Variants in POLDIP3 observed in about 807,000 individuals in gnomAD.
POLDIP3 encodes the protein DNA polymerase delta interacting protein 3, also known as polymerase delta-interacting protein 3.
In POLDIP3, 14 loss-of-function variants were observed where a neutral mutation model predicts 45.1. The observed-to-expected ratio is 0.31, with a 90% CI of 0.20 to 0.49. The LOEUF is 0.49. Ranked by LOEUF, POLDIP3 falls within the 20% of genes least tolerant of loss-of-function variation. The pLI is 0.99. For missense variants in POLDIP3, 511 were observed against 538.8 expected (o/e 0.95, Z 0.51); for synonymous variants, 223 against 205.2 (o/e 1.09, Z -0.74).
intron 6 of POLDIP3, among the ~76,000 whole-genome samples, chr22:42,594,997 A>G (rs933029557): frequency 4.7e-5 from 5 of 106,316 alleles, no homozygotes; most frequent in African/African-American, 2.5e-4. Flanking sequence ...AGAAGAGTGA[A>G]GCAGCTGGGC....
At chr22:42,586,257 A>G (rs944158545) in intron 8 of POLDIP3, among the ~76,000 whole-genome samples, 5 of 151,510 alleles carry the variant, frequency 3.3e-5, no homozygotes, top group African/African-American at 1.2e-4. Context: ...AGGTCTTGCT[A>G]TGTGGCCCAG....
intron 4 of POLDIP3, among the ~76,000 whole-genome samples, chr22:42,599,301 T>C (rs1474618529): frequency 6.6e-6 from 1 of 152,214 alleles, no homozygotes; most frequent in Non-Finnish European, 1.5e-5. Context: ...GAAATATTTC[T>C]GCATTGAAAG....
chr22:42,593,405 C>T (rs1333029596), intron 6 of POLDIP3, among the ~76,000 whole-genome samples: 2 of 152,228 alleles, frequency 1.3e-5, no homozygotes, highest in Non-Finnish European at 2.9e-5. Context: ...GAGCACTGAT[C>T]ATGACTGGTG....
At chr22:42,599,281 C>A (rs970288673) in intron 4 of POLDIP3, among the ~76,000 whole-genome samples, 1 of 152,184 alleles carries the variant, frequency 6.6e-6, no homozygotes, top group Non-Finnish European at 1.5e-5. Flanking sequence ...AATCTTACGG[C>A]CCAAACAAAG....
Position 42,596,341 on chromosome 22 carries a change from A to G in POLDIP3, c.658T>C (p.Ser220Pro). The G allele has an allele frequency of 6.2e-7, 1 of 1,614,172 alleles. No homozygotes were observed. Among genetic ancestry groups the G allele is most frequent in the Admixed American group, 1.7e-5 (1 of 60,004 alleles). ...HMAGLSSSKL[S>P]MSKALPLTKV... Reference sequence around the variant, plus strand: ...GTGAGAGGGAGGGCCTTGGACATGGAAAGCTTGGAACTGCTTAGCCCAGCC... The same window carrying G: ...GTGAGAGGGAGGGCCTTGGACATGGGAAGCTTGGAACTGCTTAGCCCAGCC... Residue 220 changes from serine (S) to proline (P), a missense_variant, in exon 5 of 9, where the codon TCC (serine) becomes CCC (proline). Physicochemically the swap from Ser to Pro is moderately conservative, Grantham distance 74. This residue lies in a region of POLDIP3 where 378 missense variants were observed against 352.3 expected (regional missense o/e 1.07). Transcript: ENST00000252115.
chr22:42,610,082 G>A (rs1927029131), intron 1 of POLDIP3, among the ~76,000 whole-genome samples: 1 of 151,906 alleles, frequency 6.6e-6, no homozygotes, highest in Admixed American at 6.6e-5. Context: ...GCTGAGGCAG[G>A]AGAATCGTTT....
chr22:42,607,896 G>C (rs1926855798), intron 1 of POLDIP3, among the ~76,000 whole-genome samples: 1 of 151,880 alleles, frequency 6.6e-6, no homozygotes, highest in Non-Finnish European at 1.5e-5. Flanking sequence ...GGGAAGTGAG[G>C]AGCGTCTCCG....
chr22:42,587,425 G>T, intron 8 of POLDIP3, 81 bp downstream of exon 8: 2 of 1,371,272 alleles, frequency 1.5e-6, no homozygotes, highest in Non-Finnish European at 2.1e-6. Context: ...AAGGGGAGCT[G>T]TGATGCAGGC....
At chr22:42,596,062 G>T in intron 5 of POLDIP3, 124 bp downstream of exon 5, 1 of 1,091,060 alleles carries the variant, frequency 9.2e-7, no homozygotes, top group Non-Finnish European at 1.3e-6. Context: ...GTCTTGGTTT[G>T]CTCATCTGTA....
intron 1 of POLDIP3, among the ~76,000 whole-genome samples, chr22:42,607,833 G>C (rs1427006565): frequency 5.4e-5 from 8 of 148,478 alleles, no homozygotes; most frequent in African/African-American, 2.0e-4. Flanking sequence ...TTCTCTGCCC[G>C]GCCACCCCGT....
rs768316043 is a variant in POLDIP3, at chr22:42,612,598, C to T, written c.59+2201G>A. Among the ~76,000 whole-genome samples the T allele has an allele frequency of 1.3e-4, 20 of 152,132 alleles. No individual in the cohort carries two copies. In the East Asian group the frequency reaches 1.5e-3, roughly 12 times the overall value. On this transcript the variant is annotated intron_variant, in intron 1 of 8. Transcript: ENST00000252115. ...AATCCCAGGACTTTGGGAGGCCGAG[C>T]GGGTTCGGCCTGAGGTGAGGAGTTC...
chr22:42,593,676 G>A (rs1380228061), intron 6 of POLDIP3, among the ~76,000 whole-genome samples: 4 of 152,094 alleles, frequency 2.6e-5, no homozygotes, highest in African/African-American at 9.7e-5. Context: ...GTGCCACCAC[G>A]CCTGGCGAAT....
At chr22:42,607,245 G>A (rs1310329861) in intron 1 of POLDIP3, among the ~76,000 whole-genome samples, 2 of 152,222 alleles carry the variant, frequency 1.3e-5, no homozygotes, top group Non-Finnish European at 2.9e-5. Flanking sequence ...CCGAGTGCCT[G>A]GGATTGCAGG....
chr22:42,603,209 G>A (rs1468652085), intron 1 of POLDIP3, 49 bp from the exon 2 acceptor site: 1 of 1,581,014 alleles, frequency 6.3e-7, no homozygotes, highest in South Asian at 1.2e-5. Context: ...GGTATCTACA[G>A]CAGTCTATGA....
rs745759930 is a variant in POLDIP3 at position 42,596,154 on chromosome 22, C to T, written c.813+32G>A. ...CATATAAGCATACAGCCCTCCTGAC[C>T]CCAACTGCTGCAGTCACCACCATCA... On this transcript the variant is annotated intron_variant, in intron 5 of 8. Coordinates refer to ENST00000252115, the MANE Select transcript of POLDIP3 (RefSeq NM_032311.5). 9 of 1,609,146 alleles carry T rather than the reference C, an allele frequency of 5.6e-6. No individual in the cohort carries two copies. The East Asian group carries it at 1.6e-4, about 28-fold the overall frequency.
At chr22:42,591,067 C>CA (rs1271418847) in intron 7 of POLDIP3, among the ~76,000 whole-genome samples, 13 of 89,154 alleles carry the variant, frequency 1.5e-4, no homozygotes, top group Admixed American at 6.5e-4. Context: ...GAGAGAAACT[C>CA]AAAAAAAATA....
At chr22:42,607,706 G>C (rs973151421) in intron 1 of POLDIP3, among the ~76,000 whole-genome samples, 1 of 150,714 alleles carries the variant, frequency 6.6e-6, no homozygotes, top group Non-Finnish European at 1.5e-5. Flanking sequence ...TGTGGGGAGA[G>C]CCTCTGCCCC....
At chr22:42,613,190 G>C (rs1346115108) in intron 1 of POLDIP3, among the ~76,000 whole-genome samples, 1 of 152,226 alleles carries the variant, frequency 6.6e-6, no homozygotes, top group Non-Finnish European at 1.5e-5. Context: ...CCTACAAAAC[G>C]TGGATGGACT....
At chr22:42,591,083 AT>A (rs1190779946) in intron 7 of POLDIP3, among the ~76,000 whole-genome samples, 3 of 151,414 alleles carry the variant, frequency 2.0e-5, no homozygotes, top group Non-Finnish European at 4.4e-5. Context: ...AAATAAAAAA[AT>A]AAAAAAATAA....
Sources: allele counts gnomAD v4.1 joint callset (sites outside exome capture counted in the v4.1 genomes callset), GRCh38; gene constraint gnomAD v4.1.1; regional missense constraint gnomAD v4.1.1; transcripts MANE v1.5; gene names NCBI Gene and HGNC (gene_info 2026-07-23, HGNC 2026-07-21).